Variants in IL1R1 observed in about 807,000 individuals in gnomAD.
The protein encoded by IL1R1 is interleukin 1 receptor type 1, also known as interleukin-1 receptor type 1.
A neutral mutation model predicts 50.2 loss-of-function variants in IL1R1; 22 were observed. The observed-to-expected ratio is 0.44, with a 90% CI of 0.31 to 0.63. IL1R1 has a LOEUF of 0.63. Ranked by LOEUF, IL1R1 falls within the 20% of genes least tolerant of loss-of-function variation. The probability of loss-of-function intolerance (pLI) is 0.07; values close to 1 mark genes in which losing one functional copy is unlikely to be tolerated. For synonymous variants in IL1R1, 251 were observed against 236.7 expected, an observed-to-expected ratio of 1.06 and a Z score of -0.55; for missense variants, 509 against 676.2, an observed-to-expected ratio of 0.75 and a Z score of 2.74.
intron 1 of IL1R1, among the ~76,000 whole-genome samples, chr2:102,072,393 G>A (rs17026582): frequency 0.37 from 56,581 of 152,002 alleles, 11,893 homozygotes; most frequent in African/African-American, 0.58. Flanking sequence ...AAAGTTTGGC[G>A]CTTTATCCTC....
At chr2:102,140,231 A>G (rs1682568124), upstream of IL1R1, among the ~76,000 whole-genome samples, 1 of 152,214 alleles carries the variant, frequency 6.6e-6, no homozygotes, top group Non-Finnish European at 1.5e-5. Context: ...TTTATAATGG[A>G]CAGTCTTTCA....
At chr2:102,124,853 T>A (rs1310722422) in intron 1 of IL1R1, among the ~76,000 whole-genome samples, 1 of 150,052 alleles carries the variant, frequency 6.7e-6, no homozygotes, top group East Asian at 2.0e-4. Context: ...GAGGCGGGGG[T>A]TGCAGTGAGC....
upstream of IL1R1, among the ~76,000 whole-genome samples, chr2:102,140,576 G>A (rs1682589505): frequency 6.6e-6 from 1 of 152,222 alleles, no homozygotes; most frequent in Admixed American, 6.5e-5. Context: ...GTCAGTGTAA[G>A]CAGTAGGCTT....
At chr2:102,079,127 T>A (rs1679102254) in intron 1 of IL1R1, among the ~76,000 whole-genome samples, 1 of 152,114 alleles carries the variant, frequency 6.6e-6, no homozygotes, top group African/African-American at 2.4e-5. Context: ...CTTAACCTGA[T>A]AATGGGCATC....
At chr2:102,169,214 G>A (rs1685461867) in intron 7 of IL1R1, among the ~76,000 whole-genome samples, 1 of 152,102 alleles carries the variant, frequency 6.6e-6, no homozygotes, top group African/African-American at 2.4e-5. Context: ...AAGGCTACAG[G>A]CCCCAAAGAT....
At chr2:102,099,522 G>A (rs919989747) in intron 1 of IL1R1, among the ~76,000 whole-genome samples, 2 of 152,180 alleles carry the variant, frequency 1.3e-5, no homozygotes, top group African/African-American at 4.8e-5. Context: ...GCTACCAGGT[G>A]TACAGATATC....
chr2:102,092,472 G>C (rs557252779), intron 1 of IL1R1, among the ~76,000 whole-genome samples: 1 of 152,136 alleles, frequency 6.6e-6, no homozygotes, highest in East Asian at 1.9e-4. Context: ...GAAGCAGAAG[G>C]TCTTGAAACT....
intron 1 of IL1R1, among the ~76,000 whole-genome samples, chr2:102,127,306 TG>T (rs1559476308): frequency 6.6e-6 from 1 of 152,148 alleles, no homozygotes; most frequent in African/African-American, 2.4e-5. Context: ...CAACTATAAC[TG>T]GTTGTGGAAA....
intron 1 of IL1R1, among the ~76,000 whole-genome samples, chr2:102,146,110 G>C (rs780627964): frequency 4.6e-5 from 7 of 152,096 alleles, no homozygotes; most frequent in Non-Finnish European, 1.0e-4. Flanking sequence ...CGGTAATCAT[G>C]GTTCAGCGAG....
upstream of IL1R1, among the ~76,000 whole-genome samples, chr2:102,102,198 G>A (rs942375235): frequency 6.6e-6 from 1 of 152,170 alleles, no homozygotes; most frequent in Admixed American, 6.5e-5. Context: ...GTGCTCTCTG[G>A]AAAGGGTACC....
At chr2:102,103,147 T>C (rs1680219865), upstream of IL1R1, among the ~76,000 whole-genome samples, 1 of 151,952 alleles carries the variant, frequency 6.6e-6, no homozygotes, top group Non-Finnish European at 1.5e-5. Flanking sequence ...GAAACTAAAA[T>C]AAAATTAAAA....
rs961987701 is a variant in IL1R1 at position 102,167,449 on chromosome 2, T to G, written c.656-1149T>G. Among the ~76,000 whole-genome samples, 551 of 140,690 alleles carry G rather than the reference T, an allele frequency of 3.9e-3. 5 individuals are homozygous for G. The highest frequency in any genetic ancestry group is 0.013 in the East Asian group (64 of 4,780). 92.3% of individuals were successfully genotyped at this position (140,690 alleles called of 152,430 possible). A position where few individuals can be genotyped will look rare whatever the true frequency, so the allele number is the denominator to read the frequency against. On this transcript the variant is annotated intron_variant, in intron 6 of 11. Coordinates refer to ENST00000410023, the MANE Select transcript of IL1R1 (RefSeq NM_000877.4). ...ATTTAAGCTAGGTTAAGTGTTTTTT[T>G]TTTTTTTTTTTTTTTTGAGATGGAG...
chr2:102,072,851 G>A (rs562928743), intron 1 of IL1R1, among the ~76,000 whole-genome samples: 17 of 151,756 alleles, frequency 1.1e-4, no homozygotes, highest in Non-Finnish European at 1.9e-4. Context: ...TACCATTTCC[G>A]AGTTTAATGT....
chr2:102,149,673 C>T (rs1255682691), intron 1 of IL1R1, among the ~76,000 whole-genome samples: 2 of 152,116 alleles, frequency 1.3e-5, no homozygotes, highest in Non-Finnish European at 2.9e-5. Context: ...TTCCCATGGA[C>T]TCAACTGCCT....
At chr2:102,169,515 C>T (rs1449832908) in intron 7 of IL1R1, among the ~76,000 whole-genome samples, 1 of 152,202 alleles carries the variant, frequency 6.6e-6, no homozygotes, top group African/African-American at 2.4e-5. Context: ...ACTGAAAGTT[C>T]TATTGGAAAC....
chr2:102,141,105 C>T (rs1175481049), upstream of IL1R1, among the ~76,000 whole-genome samples: 1 of 152,184 alleles, frequency 6.6e-6, no homozygotes, highest in Non-Finnish European at 1.5e-5. Flanking sequence ...GGGCTGGTTC[C>T]ACAGCATGGA....
Position 102,177,959 on chromosome 2 carries a change from A to G in IL1R1, c.*1200A>G, listed in dbSNP as rs1686280827. 1 of 152,718 alleles carries G rather than the reference A, an allele frequency of 6.5e-6. No homozygotes were observed. Among genetic ancestry groups the G allele is most frequent in the Non-Finnish European group, 1.5e-5 (1 of 68,320 alleles). The allele number at this position is 152,718 out of a possible 1,614,324, so 9.5% of individuals were successfully genotyped here. A position where few individuals can be genotyped will look rare whatever the true frequency, so the allele number is the denominator to read the frequency against. ...CTGAAGCCCATGCTTTCCCACCAGC[A>G]TGTCACTCCCAGACCACCTCCCTGC... On this transcript the variant is annotated 3_prime_UTR_variant, in exon 12 of 12. Transcript: ENST00000410023.
intron 1 of IL1R1, among the ~76,000 whole-genome samples, chr2:102,075,025 C>T (rs1016543032): frequency 3.3e-5 from 5 of 151,970 alleles, no homozygotes; most frequent in Non-Finnish European, 7.4e-5. Flanking sequence ...GTGTGTTATG[C>T]GTATTCTTTA....
chr2:102,136,374 ATTTTTTTT>A (rs10664336), intron 1 of IL1R1, among the ~76,000 whole-genome samples: 75 of 118,408 alleles, frequency 6.3e-4, no homozygotes, highest in Non-Finnish European at 9.4e-4. Context: ...GGATAACAGT[ATTTTTTTT>A]TTTTTTTTTT....
Sources: gnomAD v4.1 joint callset for allele counts (sites outside exome capture counted in the v4.1 genomes callset) on GRCh38, gnomAD v4.1.1 for gene constraint, MANE v1.5 for transcripts, NCBI Gene and HGNC (gene_info 2026-07-23, HGNC 2026-07-21) for gene names.